The following ZCCHC17 variants were observed in gnomAD, a reference collection of about 807,000 sequenced individuals.
ZCCHC17 encodes the protein zinc finger CCHC-type containing 17, also known as zinc finger CCHC domain-containing protein 17.
Under a neutral mutation model 30.6 loss-of-function variants are expected in ZCCHC17, and 18 were observed. The observed-to-expected ratio is 0.59, with a 90% confidence interval of 0.41 to 0.87. The LOEUF (loss-of-function observed/expected upper bound fraction) is 0.87, where lower values mean the gene tolerates loss of function less well. ZCCHC17 is among the 40% of genes least tolerant of loss of function. The probability of loss-of-function intolerance (pLI) is 0.00; values close to 1 mark genes in which losing one functional copy is unlikely to be tolerated. For missense variants in ZCCHC17, 263 were observed against 284.2 expected, an observed-to-expected ratio of 0.93 and a Z score of 0.54; for synonymous variants, 88 against 92.4, an observed-to-expected ratio of 0.95 and a Z score of 0.27.
At chr1:31,301,949 CG>C (rs1646322995) in intron 1 of ZCCHC17, among the ~76,000 whole-genome samples, 1 of 152,096 alleles carries the variant, frequency 6.6e-6, no homozygotes. Flanking sequence ...GTGTCCCGGC[CG>C]GGTGCGGTGG....
At chr1:31,336,850 T>G (rs565559224) in intron 3 of ZCCHC17, among the ~76,000 whole-genome samples, 2 of 151,238 alleles carry the variant, frequency 1.3e-5, no homozygotes, top group East Asian at 3.9e-4. Flanking sequence ...TTTTTTGTAT[T>G]TTTTGTAGAG....
In ZCCHC17 at chr1:31,348,977, G is replaced by A; in HGVS notation, c.564+3G>A. On this transcript the variant is annotated splice_donor_region_variant and intron_variant, in intron 7 of 7. Coordinates refer to ENST00000344147, the MANE Select transcript of ZCCHC17 (RefSeq NM_016505.4). ...ATCCTTCTAGAAAAAGAAAGAAGGT[G>A]AATGCTACTTTGCTTTTATTTTATC... The A allele has an allele frequency of 6.4e-7, 1 of 1,566,310 alleles. No individual in the cohort carries two copies. Among genetic ancestry groups the A allele is most frequent in the Non-Finnish European group, 8.6e-7 (1 of 1,163,868 alleles).
intron 1 of ZCCHC17, among the ~76,000 whole-genome samples, chr1:31,304,890 C>A (rs542977667): frequency 1.3e-5 from 2 of 152,188 alleles, no homozygotes; most frequent in Non-Finnish European, 2.9e-5. Context: ...CCACCACGCA[C>A]GGCTGTATAC....
chr1:31,302,273 A>G (rs972333640), intron 1 of ZCCHC17, among the ~76,000 whole-genome samples: 5 of 151,632 alleles, frequency 3.3e-5, no homozygotes, highest in African/African-American at 9.7e-5. Flanking sequence ...TCTGTCCAAC[A>G]TATTAAATGG....
chr1:31,327,891 T>C (rs1371179235), intron 3 of ZCCHC17, among the ~76,000 whole-genome samples: 3 of 152,182 alleles, frequency 2.0e-5, no homozygotes, highest in Non-Finnish European at 4.4e-5. Flanking sequence ...AGTACTATGC[T>C]GAGTACTACT....
chr1:31,345,548 A>ATATATATATATATATTATAT (rs1330918326), intron 5 of ZCCHC17, among the ~76,000 whole-genome samples: 25 of 129,966 alleles, frequency 1.9e-4, no homozygotes, highest in Non-Finnish European at 3.5e-4. Flanking sequence ...ACAGACATTT[A>ATATATATATATATATTATAT]TATATATATA....
At chr1:31,349,494 C>T (rs1277315663) in intron 7 of ZCCHC17, among the ~76,000 whole-genome samples, 2 of 141,688 alleles carry the variant, frequency 1.4e-5, no homozygotes, top group Non-Finnish European at 3.1e-5. Flanking sequence ...CCATGCCCGG[C>T]TAATTTTTGT....
rs1222119461 is a variant in ZCCHC17 at position 31,364,252 on chromosome 1, G to A, written c.*59G>A. The A allele has an allele frequency of 1.3e-6, 2 of 1,556,192 alleles. No homozygotes were observed. Among genetic ancestry groups the A allele is most frequent in the East Asian group, 2.3e-5 (1 of 42,760 alleles). ...AGAAACCAGGAGCCTTGTGCCTTGAGACTCCTGGAAAGACTCAATAGTGAG... is the reference window on the plus strand; with the variant it reads ...AGAAACCAGGAGCCTTGTGCCTTGAAACTCCTGGAAAGACTCAATAGTGAG... On this transcript the variant is annotated 3_prime_UTR_variant, in exon 8 of 8. Transcript: ENST00000344147.
intron 7 of ZCCHC17, among the ~76,000 whole-genome samples, chr1:31,355,201 T>C (rs898128084): frequency 6.8e-5 from 10 of 147,156 alleles, no homozygotes; most frequent in Non-Finnish European, 1.5e-4. Flanking sequence ...AAAAAAAAAG[T>C]ATCTTTGTGT....
At chr1:31,333,472 G>A (rs1041332116) in intron 3 of ZCCHC17, among the ~76,000 whole-genome samples, 26 of 152,270 alleles carry the variant, frequency 1.7e-4, no homozygotes, top group African/African-American at 6.3e-4. Context: ...GCAGTGAGCA[G>A]AGATTGTGCC....
At chr1:31,346,192 C>T (rs1208066733) in intron 5 of ZCCHC17, among the ~76,000 whole-genome samples, 1 of 152,094 alleles carries the variant, frequency 6.6e-6, no homozygotes, top group African/African-American at 2.4e-5. Flanking sequence ...AGCAAAAGCA[C>T]TGAGCCACAT....
At chr1:31,333,082 T>C (rs1489722235) in intron 3 of ZCCHC17, 3 of 152,248 alleles carry the variant, frequency 2.0e-5, no homozygotes, top group Non-Finnish European at 4.4e-5. Flanking sequence ...TTAATGGCTT[T>C]ATTCTGTCAT....
chr1:31,353,771 C>A (rs1035066446), intron 7 of ZCCHC17, among the ~76,000 whole-genome samples: 2 of 152,088 alleles, frequency 1.3e-5, no homozygotes, highest in African/African-American at 2.4e-5. Flanking sequence ...GGTCTTGGCC[C>A]CTGTTGAAAA....
chr1:31,340,318 T>G (rs1331069375), intron 5 of ZCCHC17, among the ~76,000 whole-genome samples: 2 of 141,976 alleles, frequency 1.4e-5, no homozygotes, highest in African/African-American at 2.7e-5. Context: ...TTGGAGGGTT[T>G]TTTTTTTTTT....
chr1:31,352,731 G>A (rs1457446982), intron 7 of ZCCHC17, among the ~76,000 whole-genome samples: 1 of 152,150 alleles, frequency 6.6e-6, no homozygotes, highest in Non-Finnish European at 1.5e-5. Context: ...ACAGGCATGA[G>A]CCACCACATC....
At chr1:31,362,493 C>T (rs1639945587) in intron 7 of ZCCHC17, among the ~76,000 whole-genome samples, 3 of 152,118 alleles carry the variant, frequency 2.0e-5, no homozygotes, top group Non-Finnish European at 1.5e-5. Flanking sequence ...ATCTGCCTCT[C>T]GTCTTTTGTA....
intron 7 of ZCCHC17, among the ~76,000 whole-genome samples, chr1:31,355,424 T>C (rs1469798987): frequency 6.6e-6 from 1 of 152,186 alleles, no homozygotes; most frequent in Admixed American, 6.5e-5. Flanking sequence ...TTTTTGTTTC[T>C]TTTTATCATT....
chr1:31,339,891 A>G (rs1418770825), intron 5 of ZCCHC17, among the ~76,000 whole-genome samples: 1 of 150,414 alleles, frequency 6.6e-6, no homozygotes, highest in African/African-American at 2.4e-5. Context: ...GGAATGGGAA[A>G]TTATCTATGT....
chr1:31,307,470 C>G (rs1413089303), intron 1 of ZCCHC17, among the ~76,000 whole-genome samples: 2 of 150,200 alleles, frequency 1.3e-5, no homozygotes, highest in African/African-American at 4.9e-5. Context: ...AGTGCAGTGG[C>G]CCAATCTTGG....
Sources: gnomAD v4.1 joint callset for allele counts (sites outside exome capture counted in the v4.1 genomes callset) on GRCh38, gnomAD v4.1.1 for gene constraint, MANE v1.5 for transcripts, NCBI Gene and HGNC (gene_info 2026-07-23, HGNC 2026-07-21) for gene names.